The following MYO5A variants were observed in gnomAD, a reference collection of about 807,000 sequenced individuals.
MYO5A encodes unconventional myosin-Va.
Under a neutral mutation model 249.7 loss-of-function variants are expected in MYO5A, and 98 were observed. The observed-to-expected ratio is 0.39, with a 90% confidence interval of 0.33 to 0.46. The LOEUF is 0.46. Among genes scored for constraint, MYO5A ranks in the 20% least tolerant of loss-of-function variants. MYO5A has a pLI of 0.98. For missense variants in MYO5A, 1,696 were observed against 2,308.8 expected (o/e 0.73, Z 5.44); for synonymous variants, 778 against 810.6 (o/e 0.96, Z 0.68).
At chr15:52,513,860 T>C (rs2077445947) in intron 1 of MYO5A, among the ~76,000 whole-genome samples, 1 of 152,140 alleles carries the variant, frequency 6.6e-6, no homozygotes, top group Admixed American at 6.5e-5. Context: ...CCTCATAGCA[T>C]GGGTTGAAAA....
intron 25 of MYO5A, among the ~76,000 whole-genome samples, chr15:52,357,377 G>T (rs1483847250): frequency 2.0e-5 from 3 of 150,312 alleles, no homozygotes; most frequent in Non-Finnish European, 4.4e-5. Flanking sequence ...ATTCCTTTGA[G>T]CCTTGAATGG....
intron 1 of MYO5A, among the ~76,000 whole-genome samples, chr15:52,488,497 G>A (rs1430412780): frequency 6.6e-6 from 1 of 152,160 alleles, no homozygotes; most frequent in Non-Finnish European, 1.5e-5. Flanking sequence ...TGCTGCTGGT[G>A]CTAGTCCCTA....
intron 1 of MYO5A, among the ~76,000 whole-genome samples, chr15:52,445,967 G>C (rs11854456): frequency 0.15 from 22,457 of 152,312 alleles, 1,788 homozygotes; most frequent in Middle Eastern, 0.22. Context: ...GAGCATAAAA[G>C]TTTGGAAAAT....
intron 34 of MYO5A, among the ~76,000 whole-genome samples, chr15:52,332,656 T>A (rs1032179753): frequency 3.9e-5 from 6 of 152,256 alleles, no homozygotes; most frequent in African/African-American, 1.4e-4. Context: ...TTTTGCAATA[T>A]TATCTACTAA....
At chr15:52,473,446 GT>G (rs1203134358) in intron 1 of MYO5A, among the ~76,000 whole-genome samples, 32 of 152,288 alleles carry the variant, frequency 2.1e-4, no homozygotes, top group African/African-American at 7.7e-4. Flanking sequence ...TGCTTTTGGT[GT>G]TTTAGACGTG....
intron 1 of MYO5A, among the ~76,000 whole-genome samples, chr15:52,528,335 A>G (rs563102056): frequency 6.6e-6 from 1 of 152,220 alleles, no homozygotes; most frequent in African/African-American, 2.4e-5. Flanking sequence ...AGCTGGCGGT[A>G]GAAGCGGCAC....
intron 23 of MYO5A, 37 bp downstream of exon 23, chr15:52,366,994 G>T: frequency 6.8e-7 from 1 of 1,477,308 alleles, no homozygotes; most frequent in South Asian, 1.1e-5. Context: ...ACTTTGGTGT[G>T]AGGTTGGTTG....
chr15:52,448,943 C>T (rs200458849), intron 1 of MYO5A, among the ~76,000 whole-genome samples: 244 of 76,892 alleles, frequency 3.2e-3, no homozygotes, highest in Admixed American at 4.0e-3. Flanking sequence ...TTTTTTTTTT[C>T]TTTTCTTGTC....
At chr15:52,348,952 TG>T (rs2039800997) in intron 28 of MYO5A, 126 bp from the exon 29 acceptor site, 5 of 1,023,950 alleles carry the variant, frequency 4.9e-6, no homozygotes, top group Non-Finnish European at 7.2e-6. Flanking sequence ...AGCCATGAGT[TG>T]TTTCTCTAAA....
rs778295134 is a variant in MYO5A, at chr15:52,405,376, G to A, written c.964C>T (p.Gln322Ter). The change falls in exon 9 of 42, where the codon CAA becomes TAA. Residue 322 changes from glutamine to a stop codon, truncating the protein, a stop_gained. Coordinates refer to ENST00000399233, the MANE Select transcript of MYO5A (RefSeq NM_001382347.1). LOFTEE classifies it high-confidence loss of function. ...CTLLGISESH[Q>*]MGIFRILAGI... ...GCAAGTATTCGGAAAATTCCCATTT[G>A]ATGAGATTCACTAATTCCTGAAACA... 1 of 1,611,474 alleles carries A rather than the reference G, an allele frequency of 6.2e-7. No individual in the cohort carries two copies.
chr15:52,440,308 C>T (rs1219175236), intron 1 of MYO5A, among the ~76,000 whole-genome samples: 1 of 151,616 alleles, frequency 6.6e-6, no homozygotes, highest in East Asian at 1.9e-4. Flanking sequence ...CGCTCTGTTG[C>T]CCAGGCTGGA....
intron 1 of MYO5A, among the ~76,000 whole-genome samples, chr15:52,491,569 A>AT (rs1362348140): frequency 1.3e-5 from 2 of 152,154 alleles, no homozygotes; most frequent in African/African-American, 4.8e-5. Flanking sequence ...TAAGCCATGT[A>AT]TTTTTTATTG....
intron 25 of MYO5A, 91 bp from the exon 26 acceptor site, chr15:52,354,105 G>C: frequency 6.9e-7 from 1 of 1,447,654 alleles, no homozygotes; most frequent in African/African-American, 1.4e-5. Context: ...GGAAAAATAG[G>C]CAAACTTACA....
intron 30 of MYO5A, among the ~76,000 whole-genome samples, chr15:52,345,771 T>C (rs1192671001): frequency 2.6e-5 from 4 of 152,148 alleles, no homozygotes; most frequent in African/African-American, 9.7e-5. Context: ...TTATAAAGTA[T>C]GTATGTTTAC....
intron 11 of MYO5A, among the ~76,000 whole-genome samples, chr15:52,394,377 C>A (rs1219760247): frequency 2.0e-5 from 3 of 152,110 alleles, no homozygotes; most frequent in African/African-American, 7.2e-5. Context: ...GGAGTTGAAA[C>A]TGAAAGAAGC....
intron 7 of MYO5A, 54 bp downstream of exon 7, chr15:52,408,005 T>C (rs570558778): frequency 8.5e-7 from 1 of 1,171,872 alleles, no homozygotes. Flanking sequence ...TTTAGGAACT[T>C]GGAAATTAAC....
intron 16 of MYO5A, among the ~76,000 whole-genome samples, chr15:52,380,406 A>G (rs181046959): frequency 1.4e-4 from 21 of 152,178 alleles, no homozygotes; most frequent in Non-Finnish European, 2.6e-4. Flanking sequence ...ACTGCACTCC[A>G]GCCTGGGTGA....
chr15:52,390,253 T>C (rs1055339722), intron 12 of MYO5A, among the ~76,000 whole-genome samples: 6 of 152,126 alleles, frequency 3.9e-5, no homozygotes, highest in African/African-American at 1.2e-4. Flanking sequence ...CATTTAAGAA[T>C]AAGAGTATAA....
intron 2 of MYO5A, among the ~76,000 whole-genome samples, chr15:52,429,429 C>T (rs570811987): frequency 1.3e-5 from 2 of 152,250 alleles, no homozygotes; most frequent in East Asian, 3.9e-4. Context: ...TGGCTCATGC[C>T]TGTAATCCCA....
Sources: allele counts gnomAD v4.1 joint callset (sites outside exome capture counted in the v4.1 genomes callset), GRCh38; gene constraint gnomAD v4.1.1; transcripts MANE v1.5; gene names NCBI Gene and HGNC (gene_info 2026-07-23, HGNC 2026-07-21).